Variants in CREBRF observed in about 807,000 individuals in gnomAD.
CREBRF encodes the protein CREB3 regulatory factor.
A neutral mutation model predicts 66.1 loss-of-function variants in CREBRF; 5 were observed. The ratio of observed to expected loss-of-function variants is 0.08; its 90% CI spans 0.04 to 0.16. The LOEUF is 0.16. Ranked by LOEUF, CREBRF falls within the 10% of genes least tolerant of loss-of-function variation. CREBRF has a pLI of 1.00. For missense variants in CREBRF, 531 were observed against 744.9 expected (o/e 0.71, Z 3.34); for synonymous variants, 229 against 264.4 (o/e 0.87, Z 1.30).
chr5:173,059,367 C>G (rs1404184945), intron 1 of CREBRF, among the ~76,000 whole-genome samples: 1 of 147,420 alleles, frequency 6.8e-6, no homozygotes, highest in Non-Finnish European at 1.5e-5. Context: ...CGGGTTCAAG[C>G]AATTCTCCTG....
intron 1 of CREBRF, among the ~76,000 whole-genome samples, chr5:173,073,753 G>A (rs933552118): frequency 6.6e-6 from 1 of 151,738 alleles, no homozygotes; most frequent in African/African-American, 2.4e-5. Flanking sequence ...GGATCACGAG[G>A]TCAGGAGATC....
rs190325517 is a variant in CREBRF, at chr5:173,089,890, C to A, written c.136-425C>A. ...ATTTTCATTGTTAATATTTTAAATT[C>A]TTCTCTCTCACTTATCACATTGTTT... is the stretch of plus-strand genomic sequence containing the variant. On this transcript the variant is annotated intron_variant, in intron 3 of 8. Transcript: ENST00000296953. Among the ~76,000 whole-genome samples the A allele has an allele frequency of 1.0e-3, 154 of 151,748 alleles. 2 individuals are homozygous for A. The South Asian group carries it at 0.015, about 15-fold the overall frequency.
Position 173,092,238 on chromosome 5 carries a change from G to A in CREBRF, c.1222+837G>A, listed in dbSNP as rs1019768045. 9.2e-6 allele frequency: 9 copies of A among 974,372 alleles called. No individual in the cohort carries two copies. In the Admixed American group the frequency reaches 3.7e-4, roughly 40 times the overall value. 60.4% of individuals were successfully genotyped at this position (974,372 alleles called of 1,614,324 possible). A position where few individuals can be genotyped will look rare whatever the true frequency, so the allele number is the denominator to read the frequency against. On this transcript the variant is annotated intron_variant, in intron 4 of 8. Transcript: ENST00000296953. Reference sequence around the variant, plus strand: ...CCAACAAAGTCTATTTATGAATAATGTAAAAGCATTTTCTTTGTGTCTGCT... The same window carrying A: ...CCAACAAAGTCTATTTATGAATAATATAAAAGCATTTTCTTTGTGTCTGCT...
At chr5:173,078,854 A>G (rs1435519955) in intron 1 of CREBRF, among the ~76,000 whole-genome samples, 6 of 152,256 alleles carry the variant, frequency 3.9e-5, no homozygotes, top group Non-Finnish European at 5.9e-5. Context: ...TTAATTTTTC[A>G]GATTTTAAAG....
At chr5:173,095,334 G>A (rs1284777838) in intron 4 of CREBRF, among the ~76,000 whole-genome samples, 3 of 151,396 alleles carry the variant, frequency 2.0e-5, no homozygotes, top group Admixed American at 6.6e-5. Flanking sequence ...GACTACAGGC[G>A]CCCGCCACCA....
At chr5:173,115,918 T>C (rs1685220406) in intron 7 of CREBRF, among the ~76,000 whole-genome samples, 1 of 152,214 alleles carries the variant, frequency 6.6e-6, no homozygotes, top group African/African-American at 2.4e-5. Flanking sequence ...CCCCTGAATG[T>C]AGTTTTAAAT....
chr5:173,065,242 G>C (rs1757399886), intron 1 of CREBRF, among the ~76,000 whole-genome samples: 1 of 152,154 alleles, frequency 6.6e-6, no homozygotes, highest in Non-Finnish European at 1.5e-5. Flanking sequence ...AGTGAAGGAG[G>C]CATTCTAGTA....
intron 4 of CREBRF, among the ~76,000 whole-genome samples, chr5:173,107,045 C>T (rs374145070): frequency 1.5e-4 from 23 of 152,292 alleles, no homozygotes; most frequent in African/African-American, 4.6e-4. Context: ...CCACCGCACC[C>T]GGCCCCTTAT....
At chr5:173,120,889 C>T (rs932008041) in intron 7 of CREBRF, among the ~76,000 whole-genome samples, 8 of 151,576 alleles carry the variant, frequency 5.3e-5, no homozygotes, top group African/African-American at 7.3e-5. Context: ...CATGGGGTTT[C>T]GTCATGTTGG....
chr5:173,068,957 A>G (rs534479925), intron 1 of CREBRF, among the ~76,000 whole-genome samples: 3 of 151,894 alleles, frequency 2.0e-5, no homozygotes, highest in Non-Finnish European at 4.4e-5. Context: ...CTGTAGTCCC[A>G]GCTACTCAGG....
At chr5:173,062,948 C>T (rs1030171133) in intron 1 of CREBRF, among the ~76,000 whole-genome samples, 2 of 151,792 alleles carry the variant, frequency 1.3e-5, no homozygotes, top group Non-Finnish European at 2.9e-5. Context: ...GGGGTTTCAC[C>T]GTTTTAGCCG....
intron 1 of CREBRF, among the ~76,000 whole-genome samples, chr5:173,074,154 T>C (rs1420130069): frequency 6.6e-6 from 1 of 151,228 alleles, no homozygotes; most frequent in African/African-American, 2.4e-5. Context: ...AATACAAAAT[T>C]AGCCGGGTGT....
At chr5:173,092,165 T>C in intron 4 of CREBRF, 6 of 926,524 alleles carry the variant, frequency 6.5e-6, no homozygotes, top group Non-Finnish European at 7.7e-6. Context: ...TAGGAGTATA[T>C]AGAATGTTGA....
At chr5:173,110,134 C>T (rs1476986152) in intron 5 of CREBRF, 1 of 246,266 alleles carries the variant, frequency 4.1e-6, no homozygotes, top group Non-Finnish European at 8.1e-6. Context: ...GTAAAATCTC[C>T]AAGCTCTCTT....
At chr5:173,056,999 G>C (rs1005227981) in intron 1 of CREBRF, among the ~76,000 whole-genome samples, 1 of 152,030 alleles carries the variant, frequency 6.6e-6, no homozygotes, top group Admixed American at 6.5e-5. Flanking sequence ...GAGACGAAGA[G>C]GCGCGGGCTG....
chr5:173,056,733 GGTAGATGGGACTCGCGGGCGGGCA>G (rs1213027658), intron 1 of CREBRF, among the ~76,000 whole-genome samples: 2 of 152,082 alleles, frequency 1.3e-5, no homozygotes, highest in African/African-American at 4.8e-5. Context: ...GCGGGGCGGC[GGTAGATGGGACTCGCGGGCGGGCA>G]GTAGGCTAGG....
rs1284965480 is a variant in CREBRF at position 173,108,628 on chromosome 5, T to C, written c.1227T>C (p.Tyr409=). ...DISDTFSEPG[Y]ENDSVEDLKE... The stretch of plus-strand genomic sequence containing the variant: ...ATTGCGGGACCTTTTTTTAAGGCTA[T>C]GAAAATGATTCTGTAGAAGACCTGA... The change falls in exon 5 of 9, where the codon TAT becomes TAC. Residue 409 remains tyrosine (Y), a synonymous_variant. Coordinates refer to ENST00000296953, the MANE Select transcript of CREBRF (RefSeq NM_153607.3). The C allele has an allele frequency of 6.2e-7, 1 of 1,603,990 alleles. No individual in the cohort carries two copies. The highest frequency in any genetic ancestry group is 8.5e-7 in the Non-Finnish European group (1 of 1,177,766).
intron 8 of CREBRF, among the ~76,000 whole-genome samples, chr5:173,128,658 C>T (rs947596999): frequency 1.3e-5 from 2 of 151,900 alleles, no homozygotes; most frequent in African/African-American, 4.8e-5. Flanking sequence ...GGTATTATCA[C>T]GAATGCAGCT....
chr5:173,139,072 A>T lies in CREBRF; in HGVS notation c.*5327A>T, dbSNP rs1759653165. Reference sequence around the variant, plus strand: ...CAGTCTTGTCTCTTGTCTAGAAAGAACTTTATCTTGTTGACGCATGAGCTG... The same window carrying T: ...CAGTCTTGTCTCTTGTCTAGAAAGATCTTTATCTTGTTGACGCATGAGCTG... On this transcript the variant is annotated 3_prime_UTR_variant, in exon 9 of 9. Coordinates refer to ENST00000296953, the MANE Select transcript of CREBRF (RefSeq NM_153607.3). 1 of 152,074 alleles carries T rather than the reference A, an allele frequency of 6.6e-6. No homozygotes were observed. Among genetic ancestry groups the T allele is most frequent in the Admixed American group, 6.5e-5 (1 of 15,272 alleles). 9.4% of individuals were successfully genotyped at this position (152,074 alleles called of 1,614,324 possible). A position where few individuals can be genotyped will look rare whatever the true frequency, so the allele number is the denominator to read the frequency against.
Sources: allele counts gnomAD v4.1 joint callset (sites outside exome capture counted in the v4.1 genomes callset), GRCh38; gene constraint gnomAD v4.1.1; transcripts MANE v1.5; gene names NCBI Gene and HGNC (gene_info 2026-07-23, HGNC 2026-07-21).